The following AFG1L variants were observed in gnomAD, a reference collection of about 807,000 sequenced individuals.
AFG1L encodes the protein AFG1-like ATPase.
Under a neutral mutation model 62.2 loss-of-function variants are expected in AFG1L, and 53 were observed. That is an observed-to-expected ratio of 0.85 (90% CI 0.68 to 1.07). The LOEUF is 1.07. AFG1L is among the 50% of genes least tolerant of loss of function. The probability of loss-of-function intolerance (pLI) is 0.00; values close to 1 mark genes in which losing one functional copy is unlikely to be tolerated. For synonymous variants in AFG1L, 228 were observed against 210.3 expected (o/e 1.08, Z -0.73); for missense variants, 555 against 590.5 (o/e 0.94, Z 0.62).
intron 10 of AFG1L, among the ~76,000 whole-genome samples, chr6:108,507,823 G>A (rs576264652): frequency 7.2e-5 from 11 of 151,890 alleles, no homozygotes; most frequent in African/African-American, 1.7e-4. Context: ...CCCCTCTCTC[G>A]CTTTCGGGGA....
intron 1 of AFG1L, among the ~76,000 whole-genome samples, chr6:108,309,470 C>A (rs1213456727): frequency 6.6e-6 from 1 of 152,170 alleles, no homozygotes; most frequent in African/African-American, 2.4e-5. Flanking sequence ...AGCTTTGATA[C>A]CATCGCCATT....
intron 8 of AFG1L, among the ~76,000 whole-genome samples, chr6:108,473,849 A>G (rs947672932): frequency 6.6e-6 from 1 of 152,154 alleles, no homozygotes; most frequent in Non-Finnish European, 1.5e-5. Flanking sequence ...GTGAGCCACT[A>G]TGCCCGGCCA....
intron 10 of AFG1L, among the ~76,000 whole-genome samples, chr6:108,479,958 AG>A (rs2114822669): frequency 6.6e-6 from 1 of 152,354 alleles, no homozygotes; most frequent in South Asian, 2.1e-4. Context: ...GCCCCTTCCA[AG>A]GAAAAAATAA....
chr6:108,493,802 A>G (rs1024970925), intron 10 of AFG1L, among the ~76,000 whole-genome samples: 1 of 152,150 alleles, frequency 6.6e-6, no homozygotes. Context: ...ATTAATGATG[A>G]TGATGCTAAT....
intron 7 of AFG1L, among the ~76,000 whole-genome samples, chr6:108,434,348 C>G (rs932042242): frequency 2.0e-5 from 3 of 152,144 alleles, no homozygotes; most frequent in African/African-American, 7.2e-5. Context: ...CACCATGCCA[C>G]CGAACTGAAT....
At chr6:108,333,951 T>G (rs1396422850) in intron 2 of AFG1L, among the ~76,000 whole-genome samples, 1 of 152,252 alleles carries the variant, frequency 6.6e-6, no homozygotes, top group Non-Finnish European at 1.5e-5. Context: ...TATTCCATTG[T>G]GAAAATATTT....
At position 108,522,310 on chromosome 6, in the gene AFG1L, G is replaced by T; in HGVS notation, c.1331G>T (p.Gly444Val). 1 of 1,613,216 alleles carries T rather than the reference G, an allele frequency of 6.2e-7. No homozygotes were observed. The highest frequency in any genetic ancestry group is 8.5e-7 in the Non-Finnish European group (1 of 1,179,628). Residue 444 changes from glycine to valine, a missense_variant, in exon 13 of 13, where the codon GGA becomes GTA. By Grantham distance (109) the Gly-to-Val change is moderately radical. Coordinates refer to ENST00000368977, the MANE Select transcript of AFG1L (RefSeq NM_145315.5). ...DLGLSQDSAE[G>V]LSMFTGEEEI... ...TTTTATAACCAGGATTCAGCAGAAG[G>T]ACTCTCCATGTTTACCGGAGAAGAG...
chr6:108,500,171 C>CGTGTGTGCGTGT (rs1554204023), intron 10 of AFG1L, among the ~76,000 whole-genome samples: 39 of 135,142 alleles, frequency 2.9e-4, no homozygotes, highest in African/African-American at 1.1e-3. Flanking sequence ...ATGGTGCGTG[C>CGTGTGTGCGTGT]GTGTGTGTGT....
intron 6 of AFG1L, among the ~76,000 whole-genome samples, chr6:108,399,422 A>G (rs1179978521): frequency 6.6e-6 from 1 of 151,692 alleles, no homozygotes; most frequent in Non-Finnish European, 1.5e-5. Flanking sequence ...TCTTGACCTC[A>G]TGATCTGCCT....
intron 2 of AFG1L, among the ~76,000 whole-genome samples, chr6:108,330,466 G>A (rs768277833): frequency 6.6e-6 from 1 of 152,020 alleles, no homozygotes. Flanking sequence ...GAGCCACTGC[G>A]CCTGGCTCAT....
chr6:108,446,051 TAC>T (rs67384163), intron 7 of AFG1L, among the ~76,000 whole-genome samples: 3,455 of 141,730 alleles, frequency 0.024, 53 homozygotes, highest in South Asian at 0.055. Context: ...TATGTAGAGA[TAC>T]ACACACACAC....
rs1775244699 is a variant in AFG1L at position 108,524,377 on chromosome 6, T to C, written c.*1952T>C. 1 of 152,036 alleles carries C rather than the reference T, an allele frequency of 6.6e-6. No individual in the cohort carries two copies. The highest frequency in any genetic ancestry group is 6.6e-5 in the Admixed American group (1 of 15,258). 9.4% of individuals were successfully genotyped at this position (152,036 alleles called of 1,614,324 possible). A position where few individuals can be genotyped will look rare whatever the true frequency, so the allele number is the denominator to read the frequency against. On this transcript the variant is annotated 3_prime_UTR_variant, in exon 13 of 13. Transcript: ENST00000368977. ...AGACAGACCTGTCCCTGAGTGTGAG[T>C]GTATGTAGAAGAGTCCCCCTGTCAA...
intron 2 of AFG1L, among the ~76,000 whole-genome samples, chr6:108,338,066 G>A (rs1044242276): frequency 1.3e-5 from 2 of 152,036 alleles, no homozygotes; most frequent in African/African-American, 4.8e-5. Context: ...GGCACCTGTG[G>A]TCCCAGTTAC....
At chr6:108,395,403 C>CTTTTTTTTTTTTTT (rs71551344) in intron 6 of AFG1L, among the ~76,000 whole-genome samples, 1 of 122,940 alleles carries the variant, frequency 8.1e-6, no homozygotes, top group African/African-American at 3.1e-5. Context: ...CTTTTCTTTT[C>CTTTTTTTTTTTTTT]TTTTTTTTTT....
At position 108,522,495 on chromosome 6, in the gene AFG1L, TGAAG is replaced by T; in HGVS notation, c.*74_*77del. On this transcript the variant is annotated 3_prime_UTR_variant, in exon 13 of 13. Coordinates refer to ENST00000368977, the MANE Select transcript of AFG1L (RefSeq NM_145315.5). ...AGGCAGAACTCCTTATTGTGGGACT[TGAAG>T]GAATCATTTTCTCATCATTAATTAT... is the stretch of plus-strand genomic sequence containing the variant. 6.7e-7 allele frequency: 1 copy of T among 1,496,206 alleles called. No homozygotes were observed. The highest frequency in any genetic ancestry group is 9.1e-7 in the Non-Finnish European group (1 of 1,100,814). 92.7% of individuals were successfully genotyped at this position (1,496,206 alleles called of 1,614,324 possible). A position where few individuals can be genotyped will look rare whatever the true frequency, so the allele number is the denominator to read the frequency against.
At chr6:108,345,789 T>C (rs1319354388) in intron 2 of AFG1L, among the ~76,000 whole-genome samples, 3 of 152,200 alleles carry the variant, frequency 2.0e-5, no homozygotes, top group African/African-American at 7.2e-5. Flanking sequence ...AACAAGCTGA[T>C]TGAAACTCCA....
chr6:108,500,665 A>T (rs1774161956), intron 10 of AFG1L, among the ~76,000 whole-genome samples: 1 of 152,176 alleles, frequency 6.6e-6, no homozygotes, highest in African/African-American at 2.4e-5. Flanking sequence ...CTTTGGGTAG[A>T]TACCCAGTAG....
chr6:108,398,387 T>A (rs1207337221), intron 6 of AFG1L, among the ~76,000 whole-genome samples: 1 of 152,204 alleles, frequency 6.6e-6, no homozygotes, highest in Non-Finnish European at 1.5e-5. Flanking sequence ...TGCAAATATT[T>A]TCTCCCATTC....
intron 6 of AFG1L, among the ~76,000 whole-genome samples, chr6:108,400,531 A>G (rs1781520902): frequency 7.0e-6 from 1 of 142,604 alleles, no homozygotes; most frequent in African/African-American, 2.6e-5. Context: ...CTTGATATCA[A>G]ATATATAATA....
Sources: allele counts gnomAD v4.1 joint callset (sites outside exome capture counted in the v4.1 genomes callset), GRCh38; gene constraint gnomAD v4.1.1; transcripts MANE v1.5; gene names NCBI Gene and HGNC (gene_info 2026-07-23, HGNC 2026-07-21).